DSCAM: variants seen among roughly 807,000 people sequenced by gnomAD.
DSCAM encodes DS cell adhesion molecule.
A neutral mutation model predicts 217.7 loss-of-function variants in DSCAM; 47 were observed. The observed-to-expected ratio is 0.22, with a 90% CI of 0.17 to 0.28. The LOEUF (loss-of-function observed/expected upper bound fraction) is 0.28. Among genes scored for constraint, DSCAM ranks in the 10% least tolerant of loss-of-function variants. The pLI, the probability that DSCAM is intolerant of heterozygous loss-of-function variation, is 1.00. For missense variants in DSCAM, 2,080 were observed against 2,618.3 expected (o/e 0.79, Z 4.49); for synonymous variants, 1,056 against 1,015.3 (o/e 1.04, Z -0.76).
Position 40,338,726 on chromosome 21 carries a change from A to C in DSCAM, c.1508-350T>G, listed in dbSNP as rs190355514. Among the ~76,000 whole-genome samples, 425 of 152,124 alleles carry C rather than the reference A, an allele frequency of 2.8e-3. 1 individual carries two copies. The highest frequency in any genetic ancestry group is 4.6e-3 in the Non-Finnish European group (311 of 67,982). On this transcript the variant is annotated intron_variant, in intron 7 of 32. Coordinates refer to ENST00000400454, the MANE Select transcript of DSCAM (RefSeq NM_001389.5). ...CTGGCAGCAATTGATCAATTGTTTA[A>C]CTCTCTCTGTAAAATCTAGGACGAC...
At chr21:40,507,499 T>G (rs973346257) in intron 3 of DSCAM, among the ~76,000 whole-genome samples, 2 of 152,094 alleles carry the variant, frequency 1.3e-5, no homozygotes, top group Admixed American at 6.5e-5. Context: ...TGAATATAAC[T>G]TGCATCTACA....
At chr21:40,301,272 C>T (rs751893693) in intron 9 of DSCAM, among the ~76,000 whole-genome samples, 2 of 152,192 alleles carry the variant, frequency 1.3e-5, no homozygotes, top group Non-Finnish European at 2.9e-5. Context: ...TTAAAAGCAT[C>T]GCATATTCCC....
At chr21:40,601,554 A>C (rs2077062078) in intron 3 of DSCAM, among the ~76,000 whole-genome samples, 1 of 152,158 alleles carries the variant, frequency 6.6e-6, no homozygotes, top group South Asian at 2.1e-4. Context: ...AATGTTGAAA[A>C]GGAGTGATGA....
At chr21:40,626,648 A>G (rs2089605316) in intron 3 of DSCAM, among the ~76,000 whole-genome samples, 1 of 152,138 alleles carries the variant, frequency 6.6e-6, no homozygotes, top group Non-Finnish European at 1.5e-5. Flanking sequence ...CTTTGACACC[A>G]CTTATGTGGC....
intron 3 of DSCAM, among the ~76,000 whole-genome samples, chr21:40,554,028 T>C (rs2076650971): frequency 6.6e-6 from 1 of 152,190 alleles, no homozygotes; most frequent in East Asian, 1.9e-4. Flanking sequence ...GACAGGGTCA[T>C]GCTAGATGTC....
intron 9 of DSCAM, 121 bp downstream of exon 9, chr21:40,311,960 T>TTTTTTTAAAAAAA: frequency 3.1e-6 from 1 of 321,030 alleles, no homozygotes. Context: ...TTTTTTTTTT[T>TTTTTTTAAAAAAA]AGTGAGATAA....
chr21:40,014,306 C>T (rs904475618), intron 32 of DSCAM, among the ~76,000 whole-genome samples: 5 of 152,238 alleles, frequency 3.3e-5, no homozygotes, highest in African/African-American at 1.2e-4. Context: ...AGGAGAATCG[C>T]TTGAACCCGG....
chr21:40,437,057 G>T (rs2075589662), intron 3 of DSCAM, among the ~76,000 whole-genome samples: 1 of 152,180 alleles, frequency 6.6e-6, no homozygotes, highest in Non-Finnish European at 1.5e-5. Context: ...TGTGGTGGCT[G>T]AAAACACAGG....
At chr21:40,352,972 T>C (rs1249535558) in intron 5 of DSCAM, among the ~76,000 whole-genome samples, 2 of 152,198 alleles carry the variant, frequency 1.3e-5, no homozygotes, top group Non-Finnish European at 2.9e-5. Context: ...AGTCTAATAT[T>C]TGGGTATGTT....
intron 3 of DSCAM, among the ~76,000 whole-genome samples, chr21:40,567,533 A>G (rs2146197558): frequency 6.6e-6 from 1 of 152,342 alleles, no homozygotes; most frequent in Middle Eastern, 3.4e-3. Context: ...AATGCACTAA[A>G]CCAAAGAAGC....
intron 3 of DSCAM, among the ~76,000 whole-genome samples, chr21:40,669,590 ATTT>A (rs34792774): frequency 1.5e-3 from 8 of 5,240 alleles, no homozygotes; most frequent in African/African-American, 2.4e-3. Flanking sequence ...TGTTATATAT[ATTT>A]TTTTTTTTTT....
chr21:40,573,614 T>C (rs965600465), intron 3 of DSCAM, among the ~76,000 whole-genome samples: 7 of 151,938 alleles, frequency 4.6e-5, no homozygotes, highest in African/African-American at 1.7e-4. Context: ...TAGCTTTTAA[T>C]AAGCTAAGAA....
chr21:40,064,654 G>A (rs1449848749), intron 27 of DSCAM, among the ~76,000 whole-genome samples: 3 of 152,178 alleles, frequency 2.0e-5, no homozygotes, highest in African/African-American at 7.2e-5. Flanking sequence ...AGCATGGGAC[G>A]TGGGGAGCTT....
chr21:40,288,106 A>G (rs1340379206), intron 10 of DSCAM, among the ~76,000 whole-genome samples: 1 of 152,210 alleles, frequency 6.6e-6, no homozygotes, highest in Non-Finnish European at 1.5e-5. Flanking sequence ...AGAGATGTGG[A>G]CAGCTACATA....
intron 3 of DSCAM, among the ~76,000 whole-genome samples, chr21:40,491,465 C>T (rs62225508): frequency 0.09 from 13,636 of 151,754 alleles, 715 homozygotes; most frequent in Middle Eastern, 0.16. Flanking sequence ...ACCCTCCAGT[C>T]ACCTCTGTCT....
intron 1 of DSCAM, among the ~76,000 whole-genome samples, chr21:40,831,217 G>T (rs1033871247): frequency 2.0e-5 from 3 of 152,192 alleles, no homozygotes; most frequent in African/African-American, 7.2e-5. Flanking sequence ...TCCTTTCTCA[G>T]AAGACATATA....
At chr21:40,604,682 A>G (rs2089208865) in intron 3 of DSCAM, among the ~76,000 whole-genome samples, 1 of 152,170 alleles carries the variant, frequency 6.6e-6, no homozygotes, top group African/African-American at 2.4e-5. Flanking sequence ...ATTCTTGAAT[A>G]GAGGCTGCAT....
chr21:40,312,453 C>A (rs534605106), intron 8 of DSCAM, 94 bp from the exon 9 acceptor site: 1 of 1,395,038 alleles, frequency 7.2e-7, no homozygotes, highest in Admixed American at 2.2e-5. Context: ...GTAGTACAGA[C>A]GATCATAGAT....
At chr21:40,766,180 G>A (rs971130681) in intron 1 of DSCAM, among the ~76,000 whole-genome samples, 12 of 152,104 alleles carry the variant, frequency 7.9e-5, no homozygotes, top group African/African-American at 2.2e-4. Context: ...TTAAATCTAC[G>A]GTGGGAAAGC....
Sources: gnomAD v4.1 joint callset for allele counts (sites outside exome capture counted in the v4.1 genomes callset) on GRCh38, gnomAD v4.1.1 for gene constraint, MANE v1.5 for transcripts, NCBI Gene and HGNC (gene_info 2026-07-23, HGNC 2026-07-21) for gene names.